The following FAT4 variants were observed in gnomAD, a reference collection of about 807,000 sequenced individuals.
The protein encoded by FAT4 is protocadherin Fat 4.
Under a neutral mutation model 303.9 loss-of-function variants are expected in FAT4, and 84 were observed. That is an observed-to-expected ratio of 0.28 (90% CI 0.23 to 0.33). FAT4 has a LOEUF of 0.33. Among genes scored for constraint, FAT4 ranks in the 10% least tolerant of loss-of-function variants. FAT4 has a pLI of 1.00. For synonymous variants in FAT4, 2,307 were observed against 2,298.8 expected, an observed-to-expected ratio of 1.00 and a Z score of -0.10; for missense variants, 6,005 against 6,146.8, an observed-to-expected ratio of 0.98 and a Z score of 0.77.
In FAT4 at chr4:125,320,839, G is replaced by A; in HGVS notation, c.4428G>A (p.Gly1476=). The A allele has an allele frequency of 6.2e-7, 1 of 1,614,148 alleles. No individual in the cohort carries two copies. Among genetic ancestry groups the A allele is most frequent in the Non-Finnish European group, 8.5e-7 (1 of 1,179,998 alleles). The change falls in exon 2 of 18, where the codon GGG becomes GGA. Residue 1476 remains glycine, a synonymous_variant. Coordinates refer to ENST00000394329, the MANE Select transcript of FAT4 (RefSeq NM_001291303.3). Reference sequence around the variant, plus strand: ...ACTTTACCATAGATGAAGTCAAAGGGACTATATATACTAATGCTGAAATAG... The same window carrying A: ...ACTTTACCATAGATGAAGTCAAAGGAACTATATATACTAATGCTGAAATAG... ...GNHFTIDEVK[G]TIYTNAEIDR... is the part of the protein sequence containing the mutation.
At chr4:125,392,055 A>T (rs776079234) in intron 2 of FAT4, among the ~76,000 whole-genome samples, 1 of 152,176 alleles carries the variant, frequency 6.6e-6, no homozygotes, top group Non-Finnish European at 1.5e-5. Context: ...AATATAAATG[A>T]TCTTCAGTAT....
intron 5 of FAT4, among the ~76,000 whole-genome samples, chr4:125,414,343 T>C (rs1347627860): frequency 6.6e-6 from 1 of 152,138 alleles, no homozygotes; most frequent in African/African-American, 2.4e-5. Context: ...TCTTTAAAAA[T>C]ACTTTTTAGA....
At chr4:125,384,210 G>T (rs957857540) in intron 2 of FAT4, among the ~76,000 whole-genome samples, 4 of 152,268 alleles carry the variant, frequency 2.6e-5, no homozygotes, top group Admixed American at 1.3e-4. Flanking sequence ...TACAAGTCAT[G>T]TGATAGCTAT....
At chr4:125,339,321 G>A (rs1411129654) in intron 2 of FAT4, among the ~76,000 whole-genome samples, 1 of 151,768 alleles carries the variant, frequency 6.6e-6, no homozygotes, top group Non-Finnish European at 1.5e-5. Flanking sequence ...TCAGCCTCCC[G>A]AGTAGCTGGG....
chr4:125,408,281 T>A (rs1196249633), intron 4 of FAT4, among the ~76,000 whole-genome samples, 163 bp from the exon 5 acceptor site: 3 of 152,168 alleles, frequency 2.0e-5, no homozygotes, highest in African/African-American at 7.2e-5. Flanking sequence ...AGGGAAATGG[T>A]AATATCAAAA....
In FAT4 at chr4:125,318,727, A is replaced by G. The variant is rs187427286; in HGVS notation, c.2316A>G (p.Gln772=). The change falls in exon 2 of 18, where the codon CAA becomes CAG. Residue 772 remains glutamine, a synonymous_variant. Coordinates refer to ENST00000394329, the MANE Select transcript of FAT4 (RefSeq NM_001291303.3). ...TAGCTACTGATGGTGGCAATTTACAATCTCCCAACCAGGCAATAGTAACCA... is the reference window on the plus strand; with the variant it reads ...TAGCTACTGATGGTGGCAATTTACAGTCTCCCAACCAGGCAATAGTAACCA... ...QIVATDGGNL[Q]SPNQAIVTIT... 1,437 of 1,613,934 alleles carry G rather than the reference A, an allele frequency of 8.9e-4. 6 individuals are homozygous for G. Among genetic ancestry groups the G allele is most frequent in the South Asian group, 4.8e-3 (439 of 91,052 alleles).
chr4:125,470,905 A>G (rs1726834740), intron 12 of FAT4, among the ~76,000 whole-genome samples: 1 of 152,220 alleles, frequency 6.6e-6, no homozygotes, highest in Admixed American at 6.5e-5. Context: ...TATTTGGCCT[A>G]TCTTGACTTT....
chr4:125,360,908 T>G (rs1267212796), intron 2 of FAT4, among the ~76,000 whole-genome samples: 2 of 144,518 alleles, frequency 1.4e-5, no homozygotes, highest in Non-Finnish European at 3.0e-5. Context: ...ATTTTTTATT[T>G]ATTTATTATT....
intron 16 of FAT4, among the ~76,000 whole-genome samples, chr4:125,484,873 A>G (rs1004113067): frequency 7.2e-5 from 11 of 151,844 alleles, no homozygotes; most frequent in Non-Finnish European, 1.5e-4. Context: ...CAGCCTGGGC[A>G]ACAGGGTCTT....
At chr4:125,442,818 T>C (rs924895948) in intron 8 of FAT4, among the ~76,000 whole-genome samples, 1 of 152,074 alleles carries the variant, frequency 6.6e-6, no homozygotes, top group African/African-American at 2.4e-5. Flanking sequence ...TAATAGACTA[T>C]TACGTTATAC....
intron 2 of FAT4, among the ~76,000 whole-genome samples, chr4:125,370,180 TCTGA>T (rs1263189847): frequency 3.9e-5 from 6 of 152,292 alleles, no homozygotes; most frequent in African/African-American, 1.4e-4. Flanking sequence ...GTTACTTCTT[TCTGA>T]CTTTTTGTAA....
At chr4:125,397,700 C>A (rs1001339083) in intron 2 of FAT4, among the ~76,000 whole-genome samples, 1 of 152,056 alleles carries the variant, frequency 6.6e-6, no homozygotes, top group African/African-American at 2.4e-5. Flanking sequence ...CCATTCATTC[C>A]TTTTCAGATA....
chr4:125,348,308 G>C (rs1022854084), intron 2 of FAT4, among the ~76,000 whole-genome samples: 1 of 151,612 alleles, frequency 6.6e-6, no homozygotes, highest in Non-Finnish European at 1.5e-5. Context: ...TACAACTTTA[G>C]AGTTCAGAGA....
chr4:125,385,443 A>AT (rs940382394), intron 2 of FAT4, among the ~76,000 whole-genome samples: 5 of 152,136 alleles, frequency 3.3e-5, no homozygotes, highest in African/African-American at 1.2e-4. Flanking sequence ...TAATTGCCTT[A>AT]TTTTATCTTG....
intron 2 of FAT4, among the ~76,000 whole-genome samples, chr4:125,383,536 G>T (rs1733617732): frequency 7.3e-6 from 1 of 137,562 alleles, no homozygotes; most frequent in African/African-American, 2.5e-5. Flanking sequence ...TAATGAAAAA[G>T]TTTGATGTAT....
chr4:125,451,760 C>G lies in FAT4; in HGVS notation c.10750C>G (p.Leu3584Val), dbSNP rs751277769. 33 of 1,614,056 alleles carry G rather than the reference C, an allele frequency of 2.0e-5. No individual in the cohort carries two copies. The Admixed American group carries it at 2.2e-4, about 11-fold the overall frequency. Residue 3584 changes from leucine (L) to valine (V), a missense_variant, in exon 10 of 18, where the codon CTG becomes GTG. Leu to Val is a conservative substitution (Grantham distance 32). Coordinates refer to ENST00000394329, the MANE Select transcript of FAT4 (RefSeq NM_001291303.3). Reference protein sequence around the residue: ...IDREQIADFYLSVVTKDSGVP... With the variant: ...IDREQIADFYVSVVTKDSGVP... ...CAGAGAGCAGATTGCAGACTTCTAT[C>G]TGTCTGTGGTTACCAAGGATTCTGG...
rs1157186555 is a variant in FAT4 at position 125,449,944 on chromosome 4, T to A, written c.8934T>A (p.Ser2978Arg). 2 of 1,613,876 alleles carry A rather than the reference T, an allele frequency of 1.2e-6. No homozygotes were observed. Among genetic ancestry groups the A allele is most frequent in the South Asian group, 2.2e-5 (2 of 91,052 alleles). The change falls in exon 10 of 18, where the codon AGT becomes AGA. Residue 2978 changes from serine to arginine, a missense_variant. Transcript: ENST00000394329. ...CAGTTACCATCAATATAGTGGACAG[T>A]AATGACAATGCACCTCAATTTCTTA... ...ETTVTINIVDSNDNAPQFLKS... is the reference protein window; with the variant it reads ...ETTVTINIVDRNDNAPQFLKS...
chr4:125,320,071 A>C lies in FAT4; in HGVS notation c.3660A>C (p.Ser1220=). ...FLKDFYQATI[S]ESAANLTQVL... ...AAGACTTTTACCAAGCTACAATATC[A>C]GAATCAGCAGCCAATCTGACACAAG... The change falls in exon 2 of 18, where the codon TCA becomes TCC. Residue 1220 remains serine (S), a synonymous_variant. Coordinates refer to ENST00000394329, the MANE Select transcript of FAT4 (RefSeq NM_001291303.3). 6.2e-7 allele frequency: 1 copy of C among 1,613,940 alleles called. No homozygotes were observed. Among genetic ancestry groups the C allele is most frequent in the South Asian group, 1.1e-5 (1 of 91,086 alleles).
rs267600015 is a variant in FAT4, at chr4:125,452,305, G to A, written c.11295G>A (p.Leu3765=). 1.2e-6 allele frequency: 2 copies of A among 1,614,204 alleles called. No homozygotes were observed. The highest frequency in any genetic ancestry group is 1.7e-6 in the Non-Finnish European group (2 of 1,180,040). Residue 3765 remains leucine (L), a synonymous_variant, in exon 10 of 18, where the codon TTG becomes TTA. Coordinates refer to ENST00000394329, the MANE Select transcript of FAT4 (RefSeq NM_001291303.3). ...AAGAGAACAATAGAACGTTTCTTTT[G>A]GCAGCTGTGAAGCGAAATCATAATC... ...AYEENNRTFL[L]AAVKRNHNQY...
Sources: allele counts gnomAD v4.1 joint callset (sites outside exome capture counted in the v4.1 genomes callset), GRCh38; gene constraint gnomAD v4.1.1; transcripts MANE v1.5; gene names NCBI Gene and HGNC (gene_info 2026-07-23, HGNC 2026-07-21).